WFDC1: variants seen among roughly 807,000 people sequenced by gnomAD.
The protein encoded by WFDC1 is WAP four-disulfide core domain 1.
WFDC1 carries 39 observed loss-of-function variants against 32.9 expected under a neutral mutation model. The ratio of observed to expected loss-of-function variants is 1.19; its 90% CI spans 0.92 to 1.55. WFDC1 has a LOEUF of 1.55. WFDC1 is among the 40% of genes most tolerant of loss of function. The pLI, the probability that WFDC1 is intolerant of heterozygous loss-of-function variation, is 0.00. For missense variants in WFDC1, 386 were observed against 309.5 expected (o/e 1.25, Z -1.85); for synonymous variants, 184 against 137.4 (o/e 1.34, Z -2.37).
chr16:84,308,073 G>A (rs989036224), intron 1 of WFDC1, among the ~76,000 whole-genome samples: 6 of 152,222 alleles, frequency 3.9e-5, no homozygotes, highest in African/African-American at 1.4e-4. Context: ...AACAGCCAAT[G>A]TTTACAAGAG....
chr16:84,327,080 G>GC, intron 6 of WFDC1, 125 bp downstream of exon 6: 1 of 912,576 alleles, frequency 1.1e-6, no homozygotes, highest in Non-Finnish European at 1.7e-6. Context: ...GGTAGAATTT[G>GC]AAATTCCCTT....
chr16:84,297,027 A>G (rs918619366), intron 1 of WFDC1: 2 of 152,212 alleles, frequency 1.3e-5, no homozygotes, highest in Non-Finnish European at 1.5e-5. Context: ...TGGTTCTACA[A>G]CCATAGAGAG....
intron 1 of WFDC1, among the ~76,000 whole-genome samples, chr16:84,300,953 C>T (rs181110349): frequency 5.2e-4 from 78 of 149,186 alleles, no homozygotes; most frequent in African/African-American, 1.8e-3. Context: ...CCAGCCTGGG[C>T]GACAGAGTGA....
At chr16:84,312,616 A>G (rs1222916022) in intron 1 of WFDC1, among the ~76,000 whole-genome samples, 2 of 152,174 alleles carry the variant, frequency 1.3e-5, no homozygotes, top group African/African-American at 4.8e-5. Context: ...GCAGACATAT[A>G]TGTATATACA....
intron 5 of WFDC1, among the ~76,000 whole-genome samples, chr16:84,324,920 C>T (rs1028874055): frequency 6.6e-6 from 1 of 151,872 alleles, no homozygotes; most frequent in African/African-American, 2.4e-5. Context: ...TTCATATATC[C>T]ATCTATTCTT....
intron 6 of WFDC1, chr16:84,328,954 A>G (rs1041607057): frequency 1.1e-5 from 1 of 89,040 alleles, no homozygotes; most frequent in African/African-American, 4.2e-5. Flanking sequence ...CCCTGTTTCA[A>G]GAAAAAAAAA....
At chr16:84,296,558 A>T (rs1691286582) in intron 1 of WFDC1, among the ~76,000 whole-genome samples, 1 of 151,776 alleles carries the variant, frequency 6.6e-6, no homozygotes, top group Non-Finnish European at 1.5e-5. Context: ...ATGATTAATG[A>T]CCCCAGGCAT....
intron 1 of WFDC1, among the ~76,000 whole-genome samples, chr16:84,297,645 A>AAAAC (rs1567648478): frequency 7.3e-6 from 1 of 136,110 alleles, no homozygotes; most frequent in African/African-American, 2.8e-5. Flanking sequence ...AAAAAAAAAA[A>AAAAC]AACTGTGCCT....
intron 1 of WFDC1, among the ~76,000 whole-genome samples, chr16:84,311,527 CTT>C (rs35243949): frequency 5.6e-5 from 5 of 88,698 alleles, no homozygotes; most frequent in Middle Eastern, 5.8e-3. Context: ...TGCGCCTGGA[CTT>C]TTTTTTTTTT....
chr16:84,318,049 G>A (rs1217153969), intron 2 of WFDC1: 1 of 513,280 alleles, frequency 1.9e-6, no homozygotes, highest in African/African-American at 1.9e-5. Context: ...GTAGCTGCAA[G>A]GGAGGCAGGG....
intron 1 of WFDC1, 36 bp from the exon 2 acceptor site, chr16:84,312,925 C>A (rs1009241484): frequency 1.8e-6 from 2 of 1,139,718 alleles, no homozygotes; most frequent in Non-Finnish European, 2.2e-6. Context: ...CTCGAACGCG[C>A]GCCCCAGAGC....
intron 1 of WFDC1, chr16:84,295,853 C>G (rs1382297183): frequency 1.3e-5 from 2 of 152,386 alleles, no homozygotes; most frequent in Non-Finnish European, 2.9e-5. Flanking sequence ...TGCATTTCTT[C>G]ACACAACTAT....
At position 84,326,893 on chromosome 16, in the gene WFDC1, A is replaced by C; in HGVS notation, c.616A>C (p.Lys206Gln). The C allele has an allele frequency of 6.2e-7, 1 of 1,614,082 alleles. No individual in the cohort carries two copies. Among genetic ancestry groups the C allele is most frequent in the Non-Finnish European group, 8.5e-7 (1 of 1,180,018 alleles). Reference protein sequence around the residue: ...LYKEYPEGDSKNVAEPGRGQQ... With the variant: ...LYKEYPEGDSQNVAEPGRGQQ... ...TGTTCTTTTCACAGAAGGTGACTCA[A>C]AGAATGTGGCAGAACCTGGAAGGGG... is the stretch of plus-strand genomic sequence containing the variant. The change falls in exon 6 of 7, where the codon AAG becomes CAG. Residue 206 changes from lysine to glutamine, a missense_variant. Coordinates refer to ENST00000219454, the MANE Select transcript of WFDC1 (RefSeq NM_021197.4).
chr16:84,303,204 A>G (rs1907052494), intron 1 of WFDC1, among the ~76,000 whole-genome samples: 1 of 152,062 alleles, frequency 6.6e-6, no homozygotes, highest in Non-Finnish European at 1.5e-5. Flanking sequence ...TCCAAATTCC[A>G]GAGGAAGAGC....
chr16:84,322,160 CGTGTGTGTGTGTGT>C (rs10687228), intron 4 of WFDC1, among the ~76,000 whole-genome samples: 2 of 142,186 alleles, frequency 1.4e-5, no homozygotes, highest in African/African-American at 5.2e-5. Flanking sequence ...TGTGTGTGTG[CGTGTGTGTGTGTGT>C]GTGTGTGTGT....
intron 4 of WFDC1, among the ~76,000 whole-genome samples, chr16:84,323,095 C>T (rs1366414439): frequency 6.6e-6 from 1 of 152,084 alleles, no homozygotes; most frequent in African/African-American, 2.4e-5. Context: ...TTGGGGAGCT[C>T]CCCCAGCCTA....
At chr16:84,314,789 G>C (rs1370363199) in intron 2 of WFDC1, among the ~76,000 whole-genome samples, 2 of 152,144 alleles carry the variant, frequency 1.3e-5, no homozygotes, top group Non-Finnish European at 2.9e-5. Flanking sequence ...CTCCCCTCTG[G>C]GTGGACTTAT....
chr16:84,316,652 A>G (rs1907966942), intron 2 of WFDC1: 1 of 152,070 alleles, frequency 6.6e-6, no homozygotes, highest in African/African-American at 2.4e-5. Context: ...TTACTTGTCA[A>G]CACTTAAAAA....
At chr16:84,314,145 G>A (rs952994104) in intron 2 of WFDC1, among the ~76,000 whole-genome samples, 1 of 152,224 alleles carries the variant, frequency 6.6e-6, no homozygotes, top group African/African-American at 2.4e-5. Flanking sequence ...AGCAGATAAT[G>A]AGATGTGTGT....
Sources: allele counts gnomAD v4.1 joint callset (sites outside exome capture counted in the v4.1 genomes callset), GRCh38; gene constraint gnomAD v4.1.1; transcripts MANE v1.5; gene names NCBI Gene and HGNC (gene_info 2026-07-23, HGNC 2026-07-21).